VXN: variants seen among roughly 807,000 people sequenced by gnomAD.
VXN encodes uncharacterized protein C8orf46.
A neutral mutation model predicts 23.1 loss-of-function variants in VXN; 7 were observed. That is an observed-to-expected ratio of 0.30 (90% CI 0.17 to 0.57). The LOEUF is 0.57. Ranked by LOEUF, VXN falls within the 20% of genes least tolerant of loss-of-function variation. The pLI, the probability that VXN is intolerant of heterozygous loss-of-function variation, is 0.91. For synonymous variants in VXN, 120 were observed against 105.8 expected (o/e 1.13, Z -0.83); for missense variants, 238 against 272.6 (o/e 0.87, Z 0.89).
At chr8:66,512,469 T>G (rs1266560200) in intron 4 of VXN, among the ~76,000 whole-genome samples, 2 of 152,174 alleles carry the variant, frequency 1.3e-5, no homozygotes, top group Non-Finnish European at 2.9e-5. Flanking sequence ...TGTGGTGACT[T>G]GAAGCCTTGG....
At chr8:66,512,423 G>T (rs761972913) in intron 4 of VXN, among the ~76,000 whole-genome samples, 1 of 152,208 alleles carries the variant, frequency 6.6e-6, no homozygotes, top group South Asian at 2.1e-4. Context: ...GGTGAAGAAG[G>T]TGCCCTTGAC....
chr8:66,503,485 T>C (rs1563506776), intron 2 of VXN: 1 of 152,226 alleles, frequency 6.6e-6, no homozygotes, highest in Non-Finnish European at 1.5e-5. Flanking sequence ...TTAGCCCGTG[T>C]CTTCTGCTTT....
In VXN at chr8:66,505,463, G is replaced by A; in HGVS notation, c.215G>A (p.Arg72Lys). 1 of 1,577,816 alleles carries A rather than the reference G, an allele frequency of 6.3e-7. No homozygotes were observed. The highest frequency in any genetic ancestry group is 8.6e-7 in the Non-Finnish European group (1 of 1,162,732). The change falls in exon 3 of 6, where the codon AGG becomes AAG. Residue 72 changes from arginine (R) to lysine (K), a missense_variant. Transcript: ENST00000305454. ...GDRRDPGDRR[R>K]FGRLQTARPP... ...CGCAGGGACCCTGGCGACCGCCGCA[G>A]GTTTGGGCGGCTCCAGACCGCGCGG...
At position 66,515,984 on chromosome 8, in the gene VXN, G is replaced by A. The variant is rs779190583; in HGVS notation, c.532G>A (p.Gly178Ser). The A allele has an allele frequency of 2.0e-5, 32 of 1,613,742 alleles. No homozygotes were observed. Among genetic ancestry groups the A allele is most frequent in the African/African-American group, 1.5e-4 (11 of 74,892 alleles). The change falls in exon 6 of 6, where the codon GGC becomes AGC. Residue 178 changes from glycine to serine, a missense_variant. This residue lies in a region of VXN where 223 missense variants were observed against 236.9 expected (regional missense o/e 0.94). Coordinates refer to ENST00000305454, the MANE Select transcript of VXN (RefSeq NM_152765.4). Reference protein sequence around the residue: ...SLPLTGSASCGVPGILRKMWT... With the variant: ...SLPLTGSASCSVPGILRKMWT... ...ACCACTGACAGGCAGTGCTTCCTGCGGCGTCCCCGGCATCCTCCGGAAAAT... is the reference window on the plus strand; with the variant it reads ...ACCACTGACAGGCAGTGCTTCCTGCAGCGTCCCCGGCATCCTCCGGAAAAT...
chr8:66,513,710 C>A lies in VXN; in HGVS notation c.440+73C>A. ...TGATCCTTCCTTCCCCAGAAGAGCA[C>A]CAGGCCGCCTGGTTGACAGACCCTC... On this transcript the variant is annotated intron_variant, in intron 5 of 5. Transcript: ENST00000305454. 4.6e-6 allele frequency: 6 copies of A among 1,306,844 alleles called. No homozygotes were observed. In the South Asian group the frequency reaches 7.5e-5, roughly 16 times the overall value. 81.0% of individuals were successfully genotyped at this position (1,306,844 alleles called of 1,614,324 possible). A position where few individuals can be genotyped will look rare whatever the true frequency, so the allele number is the denominator to read the frequency against.
At chr8:66,507,850 G>A (rs1248615080) in intron 3 of VXN, among the ~76,000 whole-genome samples, 3 of 152,188 alleles carry the variant, frequency 2.0e-5, no homozygotes, top group Admixed American at 6.5e-5. Context: ...CAAGAAAGGT[G>A]CCTGTTTCCA....
chr8:66,507,137 G>T (rs1388416938), intron 3 of VXN, among the ~76,000 whole-genome samples: 1 of 152,178 alleles, frequency 6.6e-6, no homozygotes, highest in South Asian at 2.1e-4. Flanking sequence ...TGCTGCTCTG[G>T]GCACAACATA....
chr8:66,505,558 A>G, intron 3 of VXN, 30 bp downstream of exon 3: 1 of 1,453,542 alleles, frequency 6.9e-7, no homozygotes, highest in Non-Finnish European at 9.0e-7. Flanking sequence ...AGCTCCCCGC[A>G]CCTCCCTGGG....
chr8:66,510,313 T>C (rs1807807540), intron 4 of VXN, 156 bp downstream of exon 4: 1 of 632,358 alleles, frequency 1.6e-6, no homozygotes, highest in Non-Finnish European at 2.7e-6. Flanking sequence ...TCCCAAAAGC[T>C]CTCAGTTGGC....
At chr8:66,512,732 G>C (rs1586522787) in intron 4 of VXN, among the ~76,000 whole-genome samples, 1 of 152,252 alleles carries the variant, frequency 6.6e-6, no homozygotes, top group East Asian at 1.9e-4. Flanking sequence ...CCTCAGGGAA[G>C]GCTTCCTAGA....
intron 2 of VXN, 55 bp downstream of exon 2, chr8:66,496,547 G>A (rs1412773717): frequency 6.5e-7 from 1 of 1,531,582 alleles, no homozygotes; most frequent in Non-Finnish European, 9.0e-7. Flanking sequence ...AAAAAGCAAT[G>A]CCAGGCTTCT....
intron 2 of VXN, among the ~76,000 whole-genome samples, chr8:66,504,906 C>T (rs543019307): frequency 6.6e-6 from 1 of 152,362 alleles, no homozygotes; most frequent in African/African-American, 2.4e-5. Flanking sequence ...CCTAGGTCTT[C>T]GCTCTGCTAG....
intron 5 of VXN, among the ~76,000 whole-genome samples, chr8:66,514,674 C>G (rs916124107): frequency 2.0e-5 from 3 of 152,202 alleles, no homozygotes; most frequent in Non-Finnish European, 2.9e-5. Context: ...AAGTGATCCC[C>G]CTGCCTTGAC....
intron 2 of VXN, among the ~76,000 whole-genome samples, chr8:66,504,378 C>T (rs1754251600): frequency 1.3e-5 from 2 of 151,990 alleles, no homozygotes; most frequent in Non-Finnish European, 2.9e-5. Flanking sequence ...TCAGGAACAG[C>T]TGTGATGAAA....
intron 5 of VXN, 98 bp from the exon 6 acceptor site, chr8:66,515,795 C>A: frequency 9.7e-7 from 1 of 1,030,964 alleles, no homozygotes; most frequent in Non-Finnish European, 1.4e-6. Flanking sequence ...TGAGGAGGAG[C>A]AGAGGAGAGA....
intron 5 of VXN, chr8:66,514,093 C>T (rs563657916): frequency 1.4e-4 from 23 of 168,514 alleles, no homozygotes; most frequent in Non-Finnish European, 2.6e-4. Flanking sequence ...CATCCAGAAC[C>T]GGCAGCTAGG....
intron 2 of VXN, among the ~76,000 whole-genome samples, chr8:66,502,109 T>C (rs1451429340): frequency 2.0e-5 from 3 of 152,212 alleles, no homozygotes; most frequent in African/African-American, 7.2e-5. Flanking sequence ...CTGATTCCTC[T>C]TGAATTGTAT....
intron 2 of VXN, 165 bp from the exon 3 acceptor site, chr8:66,505,209 GT>G: frequency 6.3e-6 from 6 of 957,522 alleles, no homozygotes; most frequent in Non-Finnish European, 9.8e-6. Flanking sequence ...CTTCTGGCCG[GT>G]TTCCTGCCCA....
intron 3 of VXN, among the ~76,000 whole-genome samples, chr8:66,507,991 G>C (rs984575381): frequency 1.3e-5 from 2 of 152,218 alleles, no homozygotes; most frequent in African/African-American, 4.8e-5. Flanking sequence ...GCAGAGACCT[G>C]ACTGAGAAAC....
Sources: gnomAD v4.1 joint callset for allele counts (sites outside exome capture counted in the v4.1 genomes callset) on GRCh38, gnomAD v4.1.1 for gene constraint, gnomAD v4.1.1 regional missense constraint, MANE v1.5 for transcripts, NCBI Gene and HGNC (gene_info 2026-07-23, HGNC 2026-07-21) for gene names.